The following PLD2 variants were observed in gnomAD, a reference collection of about 807,000 sequenced individuals.
PLD2 encodes phospholipase D2, also known as choline phosphatase 2.
A neutral mutation model predicts 119.8 loss-of-function variants in PLD2; 101 were observed. The observed-to-expected ratio is 0.84, with a 90% CI of 0.72 to 0.99. PLD2 has a LOEUF of 0.99. Among genes scored for constraint, PLD2 ranks in the 50% least tolerant of loss-of-function variants. The pLI, the probability that PLD2 is intolerant of heterozygous loss-of-function variation, is 0.00. For missense variants in PLD2, 1,164 were observed against 1,226.8 expected, an observed-to-expected ratio of 0.95 and a Z score of 0.76; for synonymous variants, 494 against 482.8, an observed-to-expected ratio of 1.02 and a Z score of -0.30.
chr17:4,812,769 G>A (rs1906608905), intron 10 of PLD2, among the ~76,000 whole-genome samples: 1 of 152,152 alleles, frequency 6.6e-6, no homozygotes, highest in South Asian at 2.1e-4. Context: ...ACATACACTT[G>A]CTGATCCTCA....
chr17:4,817,021 C>G lies in PLD2; in HGVS notation c.1667C>G (p.Ala556Gly). Residue 556 changes from alanine to glycine, a missense_variant, in exon 16 of 25, where the codon GCC becomes GGC. Transcript: ENST00000263088. ...CATGGCCTACCGGCCCGGGACCTTG[C>G]CCGGCACTTCATCCAGCGCTGGAAC... is the stretch of plus-strand genomic sequence containing the variant. ...VVHGLPARDL[A>G]RHFIQRWNFT... 6.2e-7 allele frequency: 1 copy of G among 1,613,878 alleles called. No homozygotes were observed. The highest frequency in any genetic ancestry group is 1.1e-5 in the South Asian group (1 of 91,080).
chr17:4,817,218 C>T lies in PLD2; in HGVS notation c.1774C>T (p.Leu592Phe). The change falls in exon 17 of 25, where the codon CTC becomes TTC. Residue 592 changes from leucine to phenylalanine, a missense_variant. By Grantham distance (22) the Leu-to-Phe change is conservative (BLOSUM62 0). Coordinates refer to ENST00000263088, the MANE Select transcript of PLD2 (RefSeq NM_002663.5). The stretch of plus-strand genomic sequence containing the variant: ...CAAGTCTACCAGCACGGCCAATCAG[C>T]TCCCCTTCACACTTCCAGGAGGGCA... ...LPKSTSTANQ[L>F]PFTLPGGQCT... 1 of 1,613,858 alleles carries T rather than the reference C, an allele frequency of 6.2e-7. No homozygotes were observed. Among genetic ancestry groups the T allele is most frequent in the Non-Finnish European group, 8.5e-7 (1 of 1,179,768 alleles).
At chr17:4,822,288 C>T (rs957587086) in intron 24 of PLD2, among the ~76,000 whole-genome samples, 3 of 151,954 alleles carry the variant, frequency 2.0e-5, no homozygotes, top group Non-Finnish European at 4.4e-5. Context: ...CATTGCACTC[C>T]AGCCACCTGG....
chr17:4,822,599 G>A lies in PLD2; in HGVS notation c.2578-41G>A, dbSNP rs371094855. The A allele has an allele frequency of 1.6e-5, 22 of 1,400,794 alleles. No homozygotes were observed. In the African/African-American group the frequency reaches 2.8e-4, roughly 18 times the overall value. The allele number at this position is 1,400,794 out of a possible 1,614,324, so 86.8% of individuals were successfully genotyped here. ...TAGTTGGACTTAGATTGTTGGGAGA[G>A]TCTCCCCAAGCCTTACTGGCGTCCA... On this transcript the variant is annotated intron_variant, in intron 24 of 24. Coordinates refer to ENST00000263088, the MANE Select transcript of PLD2 (RefSeq NM_002663.5).
At position 4,808,193 on chromosome 17, in the gene PLD2, A is replaced by G; in HGVS notation, c.240+79A>G. 2 of 1,590,250 alleles carry G rather than the reference A, an allele frequency of 1.3e-6. No homozygotes were observed. The highest frequency in any genetic ancestry group is 1.7e-5 in the Admixed American group (1 of 58,626). On this transcript the variant is annotated intron_variant, in intron 3 of 24. Coordinates refer to ENST00000263088, the MANE Select transcript of PLD2 (RefSeq NM_002663.5). The surrounding 1 kb of genome is among the most constrained non-coding windows in gnomAD (Gnocchi z 4.1). ...CAAGGTGGCTGGGCTGGCCCCAGGG[A>G]AGGGGCAAAAGGAGGGCTGGCCAGA... is the stretch of plus-strand genomic sequence containing the variant.
At chr17:4,822,447 G>C (rs1042216916) in intron 24 of PLD2, among the ~76,000 whole-genome samples, 193 bp from the exon 25 acceptor site, 1 of 150,566 alleles carries the variant, frequency 6.6e-6, no homozygotes, top group Non-Finnish European at 1.5e-5. Flanking sequence ...AGCCGAGATC[G>C]CACCATTGCA....
At chr17:4,822,215 A>C (rs1017126934) in intron 24 of PLD2, among the ~76,000 whole-genome samples, 117 of 152,200 alleles carry the variant, frequency 7.7e-4, no homozygotes, top group Middle Eastern at 6.8e-3. Context: ...TGTGGCTGGG[A>C]GGCTGAGGCA....
Position 4,810,731 on chromosome 17 carries a change from G to GAAA in PLD2, c.861-71_861-70insAAA, listed in dbSNP as rs1049922307. The stretch of plus-strand genomic sequence containing the variant: ...AGGGACTAAGGGAGGAAGTGGGAAA[G>GAAA]GGGAGGTCTCTAGGCAAGATCACAG... On this transcript the variant is annotated intron_variant, in intron 9 of 24. Transcript: ENST00000263088. 6 of 1,516,180 alleles carry GAAA rather than the reference G, an allele frequency of 4.0e-6. 1 individual carries two copies. In the African/African-American group the frequency reaches 4.1e-5, roughly 10 times the overall value. 93.9% of individuals were successfully genotyped at this position (1,516,180 alleles called of 1,614,324 possible).
chr17:4,808,521 A>ACCTTT lies in PLD2; in HGVS notation c.383+106_383+107insCTTTC. The ACCTTT allele has an allele frequency of 1.8e-6, 2 of 1,118,698 alleles. No individual in the cohort carries two copies. Among genetic ancestry groups the ACCTTT allele is most frequent in the Non-Finnish European group, 2.6e-6 (2 of 761,828 alleles). 69.3% of individuals were successfully genotyped at this position (1,118,698 alleles called of 1,614,324 possible). A position where few individuals can be genotyped will look rare whatever the true frequency, so the allele number is the denominator to read the frequency against. ...ACCTTTCCTCCCTGCAACTCTGGCCACTGTGCTGCCTCCCCTGACCCCAGT... is the reference window on the plus strand; with the variant it reads ...ACCTTTCCTCCCTGCAACTCTGGCCACCTTTCTGTGCTGCCTCCCCTGACCCCAGT... On this transcript the variant is annotated intron_variant, in intron 4 of 24. Transcript: ENST00000263088. This position sits in a 1 kb window ranked among gnomAD's most constrained non-coding sequence, Gnocchi z 4.1.
rs1907014096 is a variant in PLD2, at chr17:4,816,737, C to T, written c.1573C>T (p.Pro525Ser). 2 of 1,614,078 alleles carry T rather than the reference C, an allele frequency of 1.2e-6. No individual in the cohort carries two copies. The highest frequency in any genetic ancestry group is 1.7e-6 in the Non-Finnish European group (2 of 1,180,050). Residue 525 changes from proline to serine, a missense_variant, in exon 15 of 25, where the codon CCT (proline) becomes TCT (serine). Pro to Ser is a moderately conservative substitution (Grantham distance 74, BLOSUM62 -1). Transcript: ENST00000263088. ...ITKDWVQLDR[P>S]FEDFIDRETT... ...CAAGGACTGGGTGCAGCTGGACCGG[C>T]CTTTCGAAGGTGAAGCCTCCCACCC...
intron 17 of PLD2, 65 bp downstream of exon 17, chr17:4,817,324 C>A: frequency 9.6e-7 from 1 of 1,037,314 alleles, no homozygotes; most frequent in Non-Finnish European, 1.5e-6. Context: ...CCAACCCACT[C>A]TCCCTGGTGT....
chr17:4,814,742 G>A (rs1219722677), intron 12 of PLD2, 31 bp downstream of exon 12: 2 of 1,598,698 alleles, frequency 1.3e-6, no homozygotes, highest in South Asian at 1.1e-5. Context: ...GCAGGGGGAG[G>A]GGGTTGCCTG....
Position 4,809,495 on chromosome 17 carries a change from A to G in PLD2, c.558A>G (p.Thr186=), listed in dbSNP as rs2150668584. ...CGGGCTTTTGTTTTCCTCTGCAGACAGAGTTCCTGGAAGTCAGTCAGCTGT... is the reference window on the plus strand; with the variant it reads ...CGGGCTTTTGTTTTCCTCTGCAGACGGAGTTCCTGGAAGTCAGTCAGCTGT... ...MSFYRNYHAM[T]EFLEVSQLSF... The change falls in exon 7 of 25, where the codon ACA becomes ACG. Residue 186 remains threonine, a splice_region_variant and synonymous_variant. Transcript: ENST00000263088. The G allele has an allele frequency of 6.2e-7, 1 of 1,607,896 alleles. No homozygotes were observed. The highest frequency in any genetic ancestry group is 2.2e-5 in the East Asian group (1 of 44,776).
Position 4,808,279 on chromosome 17 carries a change from A to AT in PLD2, c.246_247insT (p.Thr83TyrfsTer71). 6.2e-7 allele frequency: 1 copy of AT among 1,613,942 alleles called. No homozygotes were observed. On this transcript the variant is annotated frameshift_variant, in exon 4 of 25. Coordinates refer to ENST00000263088, the MANE Select transcript of PLD2 (RefSeq NM_002663.5). LOFTEE classifies it high-confidence loss of function. This position sits in a 1 kb window ranked among gnomAD's most constrained non-coding sequence, Gnocchi z 4.1. ...TCAGTTCCTCATACCCCTAGGTGGG[A>AT]ACCTGCACTCTGTATTCTGTCCGCT...
chr17:4,818,239 G>A (rs1165160780), intron 18 of PLD2, 58 bp from the exon 19 acceptor site: 10 of 1,521,232 alleles, frequency 6.6e-6, no homozygotes, highest in African/African-American at 1.4e-5. Context: ...CAAGGCTGGA[G>A]GCCGAGGACA....
chr17:4,819,280 G>T lies in PLD2; in HGVS notation c.2308+62G>T. 1 of 1,605,846 alleles carries T rather than the reference G, an allele frequency of 6.2e-7. No homozygotes were observed. Among genetic ancestry groups the T allele is most frequent in the African/African-American group, 1.3e-5 (1 of 74,942 alleles). On this transcript the variant is annotated intron_variant, in intron 22 of 24. Transcript: ENST00000263088. This position sits in a 1 kb window ranked among gnomAD's most constrained non-coding sequence, Gnocchi z 4.2. ...TGTGGGGACAGGCGAAGAGATGAGA[G>T]GCAGGATGACAGAGACTGCAGCTGA...
chr17:4,818,940 G>A (rs1413662069), intron 21 of PLD2, 117 bp downstream of exon 21: 16 of 1,477,644 alleles, frequency 1.1e-5, no homozygotes, highest in Non-Finnish European at 1.5e-5. Flanking sequence ...CTGACGCTAC[G>A]CAGACCATAG....
chr17:4,807,740 C>A lies in PLD2; in HGVS notation c.-1-32C>A. 7.9e-7 allele frequency: 1 copy of A among 1,270,714 alleles called. No individual in the cohort carries two copies. The highest frequency in any genetic ancestry group is 1.1e-6 in the Non-Finnish European group (1 of 882,466). The allele number at this position is 1,270,714 out of a possible 1,614,324, so 78.7% of individuals were successfully genotyped here. On this transcript the variant is annotated intron_variant, in intron 1 of 24. Transcript: ENST00000263088. This position sits in a 1 kb window ranked among gnomAD's most constrained non-coding sequence, Gnocchi z 5.4. ...ATGGGGGGCGGGTTCTGCAGGACAG[C>A]TCGCCTCCCTGAGGCTTCCCAATGT...
At position 4,823,212 on chromosome 17, in the gene PLD2, C is replaced by T. The variant is rs1907852890; in HGVS notation, c.*348C>T. The stretch of plus-strand genomic sequence containing the variant: ...GGGCTCTGCCCCAGGCCCTACTACC[C>T]ATTGTTCCCTTCCTCTTCCTGCCCT... On this transcript the variant is annotated 3_prime_UTR_variant, in exon 25 of 25. Transcript: ENST00000263088. The T allele has an allele frequency of 4.9e-6, 1 of 206,140 alleles. No homozygotes were observed. The highest frequency in any genetic ancestry group is 9.7e-6 in the Non-Finnish European group (1 of 103,060). The allele number at this position is 206,140 out of a possible 1,614,324, so 12.8% of individuals were successfully genotyped here. A position where few individuals can be genotyped will look rare whatever the true frequency, so the allele number is the denominator to read the frequency against.
Sources: allele counts gnomAD v4.1 joint callset (sites outside exome capture counted in the v4.1 genomes callset), GRCh38; gene constraint gnomAD v4.1.1; non-coding constraint Gnocchi (gnomAD v3.1); transcripts MANE v1.5; gene names NCBI Gene and HGNC (gene_info 2026-07-23, HGNC 2026-07-21).